Variants in CRB1 observed in about 807,000 individuals in gnomAD.
CRB1 encodes crumbs cell polarity complex component 1, also known as protein crumbs homolog 1.
A neutral mutation model predicts 120.0 loss-of-function variants in CRB1; 83 were observed. That is an observed-to-expected ratio of 0.69 (90% CI 0.58 to 0.83). The LOEUF (loss-of-function observed/expected upper bound fraction) is 0.83. CRB1 is among the 40% of genes least tolerant of loss of function. The pLI, the probability that CRB1 is intolerant of heterozygous loss-of-function variation, is 0.00. For missense variants in CRB1, 1,699 were observed against 1,687.6 expected (o/e 1.01, Z -0.12); for synonymous variants, 625 against 612.5 (o/e 1.02, Z -0.30).
At chr1:197,366,048 A>AT (rs796232880) in intron 5 of CRB1, among the ~76,000 whole-genome samples, 1 of 151,834 alleles carries the variant, frequency 6.6e-6, no homozygotes, top group Admixed American at 6.6e-5. Flanking sequence ...AAGAAAAAAA[A>AT]TTTTTTTAAT....
rs10540136 is a variant in CRB1 at position 197,290,265 on chromosome 1, CGTGT to C, written c.70+21820_70+21823del. Among the ~76,000 whole-genome samples the C allele has an allele frequency of 5.0e-3, 683 of 136,942 alleles. 3 individuals are homozygous for C. Among genetic ancestry groups the C allele is most frequent in the African/African-American group, 0.015 (560 of 36,270 alleles). The allele number at this position is 136,942 out of a possible 152,430, so 89.8% of individuals were successfully genotyped here. On this transcript the variant is annotated intron_variant, in intron 1 of 11. Coordinates refer to ENST00000367400, the MANE Select transcript of CRB1 (RefSeq NM_201253.3). ...AAAATCAGTTTTTTATGTTCCCTTT[CGTGT>C]GTGTGTGTGTGTGTGTGTGTGTGTG...
chr1:197,452,792 C>T (rs1290330139), intron 11 of CRB1, among the ~76,000 whole-genome samples: 2 of 151,972 alleles, frequency 1.3e-5, no homozygotes, highest in Non-Finnish European at 2.9e-5. Context: ...ATGGTTCAGC[C>T]ACTATAAAAA....
intron 1 of CRB1, among the ~76,000 whole-genome samples, chr1:197,273,853 A>G (rs1347673398): frequency 6.6e-6 from 1 of 151,952 alleles, no homozygotes; most frequent in Non-Finnish European, 1.5e-5. Context: ...ACCCAATCCT[A>G]GCATAAATCA....
the CRB1 span, among the ~76,000 whole-genome samples, chr1:197,218,105 G>A: frequency 3.3e-5 from 5 of 152,274 alleles, no homozygotes; most frequent in East Asian, 9.6e-4. Flanking sequence ...ATTGTTAAAA[G>A]TACCATAAAG....
intron 5 of CRB1, among the ~76,000 whole-genome samples, chr1:197,365,148 G>A (rs1324326443): frequency 6.6e-6 from 1 of 152,076 alleles, no homozygotes; most frequent in Admixed American, 6.6e-5. Flanking sequence ...TTGTGCCATT[G>A]GGCCTCCCAG....
chr1:197,314,626 G>A (rs1040939332), intron 1 of CRB1, among the ~76,000 whole-genome samples: 1 of 152,082 alleles, frequency 6.6e-6, no homozygotes, highest in African/African-American at 2.4e-5. Flanking sequence ...GTTCTGGCAG[G>A]CAGCTAAAAT....
chr1:197,478,012 G>A lies in CRB1; in HGVS notation c.*133G>A. 1 of 950,650 alleles carries A rather than the reference G, an allele frequency of 1.1e-6. No individual in the cohort carries two copies. Among genetic ancestry groups the A allele is most frequent in the Non-Finnish European group, 1.7e-6 (1 of 598,280 alleles). The allele number at this position is 950,650 out of a possible 1,614,324, so 58.9% of individuals were successfully genotyped here. On this transcript the variant is annotated 3_prime_UTR_variant, in exon 12 of 12. Transcript: ENST00000367400. ...CTGGAACTACAGGAATGATTCCTTT[G>A]ACCACCTTAAAAACTTTCACAGTGG...
intron 1 of CRB1, among the ~76,000 whole-genome samples, chr1:197,309,402 T>C (rs1657375196): frequency 6.6e-6 from 1 of 152,190 alleles, no homozygotes; most frequent in Non-Finnish European, 1.5e-5. Flanking sequence ...TCTTTTCTCC[T>C]TTCGTTTCTT....
chr1:197,370,580 T>C (rs1041680705), intron 5 of CRB1, among the ~76,000 whole-genome samples: 5 of 152,144 alleles, frequency 3.3e-5, no homozygotes, highest in Non-Finnish European at 7.4e-5. Context: ...GGATCAACAA[T>C]GAAATCAAGA....
intron 11 of CRB1, among the ~76,000 whole-genome samples, chr1:197,465,857 C>T (rs1666727672): frequency 6.6e-6 from 1 of 152,066 alleles, no homozygotes; most frequent in African/African-American, 2.4e-5. Context: ...CAATGAAACA[C>T]TAAAGGAAAG....
intron 5 of CRB1, among the ~76,000 whole-genome samples, chr1:197,381,759 A>G (rs2125401196): frequency 6.6e-6 from 1 of 152,354 alleles, no homozygotes; most frequent in South Asian, 2.1e-4. Context: ...AACTTTCCAC[A>G]TCCACTTAAC....
intron 2 of CRB1, among the ~76,000 whole-genome samples, chr1:197,335,744 G>A (rs1045088733): frequency 2.0e-5 from 3 of 152,136 alleles, no homozygotes; most frequent in Admixed American, 6.5e-5. Flanking sequence ...GTGATCCGCC[G>A]CCTAGGCCTC....
intron 6 of CRB1, among the ~76,000 whole-genome samples, chr1:197,424,434 G>C (rs185103230): frequency 1.4e-3 from 211 of 152,166 alleles, no homozygotes; most frequent in Middle Eastern, 0.014. Context: ...CTTCTATTCA[G>C]GCTAAACATC....
chr1:197,403,649 C>T lies in CRB1; in HGVS notation c.1172-17351C>T, dbSNP rs1191137966. On this transcript the variant is annotated intron_variant, in intron 5 of 11. Coordinates refer to ENST00000367400, the MANE Select transcript of CRB1 (RefSeq NM_201253.3). The stretch of plus-strand genomic sequence containing the variant: ...ATGTTTTTTTTTTCTTGGACTTTCT[C>T]CTTATATGAGCCAATAAATTTTAAT... Among the ~76,000 whole-genome samples, 4 of 151,820 alleles carry T rather than the reference C, an allele frequency of 2.6e-5. No individual in the cohort carries two copies. In the East Asian group the frequency reaches 7.7e-4, roughly 29 times the overall value.
intron 11 of CRB1, among the ~76,000 whole-genome samples, chr1:197,474,733 G>A (rs1056028132): frequency 2.0e-5 from 3 of 152,180 alleles, no homozygotes; most frequent in African/African-American, 7.2e-5. Flanking sequence ...GTGTGCATGG[G>A]TGTGGGCACT....
intron 11 of CRB1, among the ~76,000 whole-genome samples, chr1:197,464,754 A>G (rs1004549520): frequency 1.3e-5 from 2 of 151,822 alleles, no homozygotes; most frequent in Non-Finnish European, 2.9e-5. Context: ...CAGAAAAAAA[A>G]CTATATTTTG....
At chr1:197,447,890 C>T (rs1665777428) in intron 11 of CRB1, among the ~76,000 whole-genome samples, 1 of 150,126 alleles carries the variant, frequency 6.7e-6, no homozygotes, top group African/African-American at 2.5e-5. Flanking sequence ...GTCTGCCAAA[C>T]CTTCTCTCAC....
chr1:197,388,391 T>C (rs1287336979), intron 5 of CRB1, among the ~76,000 whole-genome samples: 1 of 151,992 alleles, frequency 6.6e-6, no homozygotes, highest in Non-Finnish European at 1.5e-5. Context: ...GAAAAAAAAC[T>C]CAATTTCACA....
At chr1:197,236,662 T>C in the CRB1 span, among the ~76,000 whole-genome samples, 2 of 152,180 alleles carry the variant, frequency 1.3e-5, no homozygotes, top group East Asian at 3.8e-4. Context: ...GGTTTGCTTG[T>C]GATGCTCTTT....
Sources: gnomAD v4.1 joint callset for allele counts (sites outside exome capture counted in the v4.1 genomes callset) on GRCh38, gnomAD v4.1.1 for gene constraint, MANE v1.5 for transcripts, NCBI Gene and HGNC (gene_info 2026-07-23, HGNC 2026-07-21) for gene names.